NEB: variants seen among roughly 807,000 people sequenced by gnomAD.
The protein encoded by NEB is nebulin.
NEB carries 512 observed loss-of-function variants against 952.2 expected under a neutral mutation model. The observed-to-expected ratio is 0.54, with a 90% CI of 0.50 to 0.58. The LOEUF (loss-of-function observed/expected upper bound fraction) is 0.58, where lower values mean the gene tolerates loss of function less well. NEB is among the 20% of genes least tolerant of loss of function. NEB has a pLI of 0.00. For synonymous variants in NEB, 2,900 were observed against 3,149.8 expected (o/e 0.92, Z 2.66); for missense variants, 8,428 against 9,231.1 (o/e 0.91, Z 3.56).
At chr2:151,716,217 C>A in intron 10 of NEB, 1 of 373,568 alleles carries the variant, frequency 2.7e-6, no homozygotes. Context: ...TGGCTCACTG[C>A]AACCTCCGCT....
At chr2:151,538,659 A>G (rs1222905747) in intron 138 of NEB, among the ~76,000 whole-genome samples, 2 of 152,004 alleles carry the variant, frequency 1.3e-5, no homozygotes, top group African/African-American at 4.8e-5. Context: ...AAAAAACCCA[A>G]ACAAACAACA....
At chr2:151,576,644 G>T (rs1030193281) in intron 105 of NEB, among the ~76,000 whole-genome samples, 87 of 145,126 alleles carry the variant, frequency 6.0e-4, no homozygotes, top group African/African-American at 1.9e-3. Flanking sequence ...CAATTCTCCT[G>T]CCTCAGCCTC....
chr2:151,697,057 T>C, intron 16 of NEB, 91 bp downstream of exon 16: 1 of 969,688 alleles, frequency 1.0e-6, no homozygotes. Context: ...TGGCTTACAT[T>C]TATTTGTAAA....
intron 107 of NEB, among the ~76,000 whole-genome samples, chr2:151,571,523 T>TGTGG (rs1332004358): frequency 2.6e-5 from 4 of 152,250 alleles, no homozygotes; most frequent in African/African-American, 9.6e-5. Flanking sequence ...ATTGTAAACT[T>TGTGG]GTTACATTTG....
Position 151,619,755 on chromosome 2 carries a change from T to A in NEB, c.10568A>T (p.Tyr3523Phe). 1 of 1,606,346 alleles carries A rather than the reference T, an allele frequency of 6.2e-7. No individual in the cohort carries two copies. Among genetic ancestry groups the A allele is most frequent in the East Asian group, 2.2e-5 (1 of 44,656 alleles). Residue 3523 changes from tyrosine to phenylalanine, a missense_variant, in exon 73 of 182, where the codon TAC becomes TTC. By Grantham distance (22) the Tyr-to-Phe change is conservative. Transcript: ENST00000397345. ...ASRDIASDYKYKEAYRKQLGH... is the reference protein window; with the variant it reads ...ASRDIASDYKFKEAYRKQLGH... Reference sequence around the variant, plus strand: ...CAACTGTTTACGATATGCTTCTTTGTATTTGTACTGAAAGAGAGAATCCAG... The same window carrying A: ...CAACTGTTTACGATATGCTTCTTTGAATTTGTACTGAAAGAGAGAATCCAG...
At chr2:151,732,990 A>T in intron 3 of NEB, 131 bp downstream of exon 3, 1 of 722,642 alleles carries the variant, frequency 1.4e-6, no homozygotes, top group African/African-American at 1.8e-5. Context: ...TTCCTTTCTT[A>T]TGCTTTAAAT....
In NEB at chr2:151,617,484, AAAAAGAG is replaced by A; in HGVS notation, c.11077-23_11077-17del. 1 of 1,411,610 alleles carries A rather than the reference AAAAAGAG, an allele frequency of 7.1e-7. No homozygotes were observed. The highest frequency in any genetic ancestry group is 2.4e-5 in the Admixed American group (1 of 42,420). 87.4% of individuals were successfully genotyped at this position (1,411,610 alleles called of 1,614,324 possible). On this transcript the variant is annotated splice_polypyrimidine_tract_variant and intron_variant, in intron 74 of 181. Coordinates refer to ENST00000397345, the MANE Select transcript of NEB (RefSeq NM_001164508.2). ...TATATAAGCGCTACAAAAAAAAAAA[AAAAAGAG>A]AGAGAGAGAGAGAAAAATTATTTTG...
At chr2:151,529,070 G>A (rs1042836634) in intron 146 of NEB, 140 bp downstream of exon 146, 7 of 677,612 alleles carry the variant, frequency 1.0e-5, no homozygotes, top group African/African-American at 1.8e-5. Flanking sequence ...TAGCATCATT[G>A]TTCATGCTCC....
chr2:151,639,560 T>C (rs559522444), intron 62 of NEB, among the ~76,000 whole-genome samples, 176 bp from the exon 63 acceptor site: 26 of 152,336 alleles, frequency 1.7e-4, no homozygotes, highest in Admixed American at 1.2e-3. Context: ...TATTTATAAA[T>C]GCCTTCTAAT....
rs767350812 is a variant in NEB, at chr2:151,680,766, T to C, written c.3006A>G (p.Thr1002=). The C allele has an allele frequency of 1.2e-6, 2 of 1,613,022 alleles. No individual in the cohort carries two copies. The highest frequency in any genetic ancestry group is 1.1e-5 in the South Asian group (1 of 91,068). The change falls in exon 30 of 182, where the codon ACA becomes ACG. Residue 1002 remains threonine, a synonymous_variant. Transcript: ENST00000397345. ...KFTSIEDAPI[T]VQSKINQAQR... ...GGGCCTGGTTAATTTTAGACTGTAC[T>C]GTAATTGGAGCATCTTCAATCGAGG...
intron 2 of NEB, 117 bp from the exon 3 acceptor site, chr2:151,733,302 G>A (rs1474997885): frequency 2.7e-6 from 2 of 736,704 alleles, no homozygotes; most frequent in Admixed American, 5.6e-5. Context: ...TTCATATATT[G>A]TTGCAGGCTA....
chr2:151,642,828 G>T lies in NEB; in HGVS notation c.8202C>A (p.Val2734=). ...CTTCAGGGGTATCTGGCATAATGTGGACAGTGGTTTTATCTTTATCCCAAG... is the reference window on the plus strand; with the variant it reads ...CTTCAGGGGTATCTGGCATAATGTGTACAGTGGTTTTATCTTTATCCCAAG... ...TEAWDKDKTT[V]HIMPDTPEVL... The change falls in exon 59 of 182, where the codon GTC becomes GTA. Residue 2734 remains valine, a synonymous_variant. Transcript: ENST00000397345. 6.2e-7 allele frequency: 1 copy of T among 1,612,902 alleles called. No individual in the cohort carries two copies. Among genetic ancestry groups the T allele is most frequent in the Non-Finnish European group, 8.5e-7 (1 of 1,179,344 alleles).
chr2:151,520,337 C>T (rs1307553213), intron 153 of NEB, among the ~76,000 whole-genome samples: 1 of 151,982 alleles, frequency 6.6e-6, no homozygotes, highest in South Asian at 2.1e-4. Context: ...GGGTTAATGG[C>T]TTCAAGTGTG....
chr2:151,730,319 A>G (rs1411679827), intron 3 of NEB, among the ~76,000 whole-genome samples: 2 of 152,160 alleles, frequency 1.3e-5, no homozygotes, highest in East Asian at 1.9e-4. Context: ...TCTTCATCAC[A>G]AAGTGTGGGA....
chr2:151,496,176 T>TTAAG (rs2060040981), intron 173 of NEB, 100 bp downstream of exon 173: 2 of 1,310,460 alleles, frequency 1.5e-6, no homozygotes, highest in African/African-American at 3.0e-5. Flanking sequence ...TTCACAAAAT[T>TTAAG]TAAGTTGTCT....
chr2:151,570,655 C>G (rs1010247609), intron 107 of NEB, 54 bp from the exon 108 acceptor site: 23 of 1,487,350 alleles, frequency 1.5e-5, no homozygotes, highest in Middle Eastern at 1.7e-4. Flanking sequence ...CCAATACCTT[C>G]AATGGCTCAG....
intron 180 of NEB, 81 bp downstream of exon 180, chr2:151,490,291 T>C: frequency 2.0e-6 from 3 of 1,493,334 alleles, no homozygotes; most frequent in Non-Finnish European, 2.7e-6. Flanking sequence ...AAATTTGTTT[T>C]TGTACTCAAA....
At chr2:151,530,206 A>G (rs1001173703) in intron 145 of NEB, among the ~76,000 whole-genome samples, 24 of 152,198 alleles carry the variant, frequency 1.6e-4, no homozygotes, top group African/African-American at 5.3e-4. Context: ...AAAAATATAT[A>G]GAACTGTATA....
intron 63 of NEB, among the ~76,000 whole-genome samples, chr2:151,638,838 TGG>T (rs1448097218): frequency 2.8e-5 from 4 of 143,092 alleles, no homozygotes; most frequent in East Asian, 2.0e-4. Context: ...TGTGTGTGTG[TGG>T]GTTACCTGGT....
Sources: gnomAD v4.1 joint callset for allele counts (sites outside exome capture counted in the v4.1 genomes callset) on GRCh38, gnomAD v4.1.1 for gene constraint, MANE v1.5 for transcripts, NCBI Gene and HGNC (gene_info 2026-07-23, HGNC 2026-07-21) for gene names.